The following PLXNA4 variants were observed in gnomAD, a reference collection of about 807,000 sequenced individuals.
The protein encoded by PLXNA4 is plexin-A4.
PLXNA4 carries 44 observed loss-of-function variants against 191.8 expected under a neutral mutation model. That is an observed-to-expected ratio of 0.23 (90% confidence interval 0.18 to 0.29). The LOEUF (loss-of-function observed/expected upper bound fraction) is 0.29, where lower values mean the gene tolerates loss of function less well. PLXNA4 is among the 10% of genes least tolerant of loss of function. The pLI is 1.00. For missense variants in PLXNA4, 1,800 were observed against 2,488.8 expected (o/e 0.72, Z 5.89); for synonymous variants, 1,082 against 1,009.5 (o/e 1.07, Z -1.36).
intron 4 of PLXNA4, among the ~76,000 whole-genome samples, chr7:132,249,146 G>A (rs1290079631): frequency 3.3e-5 from 5 of 152,268 alleles, no homozygotes; most frequent in Non-Finnish European, 7.3e-5. Flanking sequence ...TCTAATCTGT[G>A]TGTCTGGGTG....
intron 2 of PLXNA4, among the ~76,000 whole-genome samples, chr7:132,592,625 G>T (rs1157950081): frequency 1.3e-5 from 2 of 150,770 alleles, no homozygotes; most frequent in African/African-American, 4.9e-5. Context: ...TAAACGAGCT[G>T]CCGATAAAGG....
chr7:132,512,772 G>T (rs555790752), intron 1 of PLXNA4, among the ~76,000 whole-genome samples: 6 of 152,258 alleles, frequency 3.9e-5, no homozygotes, highest in South Asian at 2.1e-4. Context: ...TTCCAGGGGG[G>T]TTTCCCTTCC....
intron 20 of PLXNA4, among the ~76,000 whole-genome samples, chr7:132,177,944 G>A (rs1796531484): frequency 6.6e-6 from 1 of 152,168 alleles, no homozygotes; most frequent in African/African-American, 2.4e-5. Context: ...AGAGCCCCAG[G>A]TATGGGGCCG....
intron 3 of PLXNA4, among the ~76,000 whole-genome samples, chr7:132,458,553 A>G (rs1440898469): frequency 6.6e-6 from 1 of 151,648 alleles, no homozygotes; most frequent in Non-Finnish European, 1.5e-5. Context: ...AGAGCAAAAG[A>G]AAGGAGACAC....
intron 24 of PLXNA4, among the ~76,000 whole-genome samples, chr7:132,161,619 G>A (rs1250990799): frequency 3.3e-5 from 5 of 152,154 alleles, no homozygotes; most frequent in African/African-American, 7.2e-5. Flanking sequence ...CAGGTTCCCC[G>A]GTGGGCATCT....
At chr7:132,546,904 T>G (rs963288896) in intron 1 of PLXNA4, among the ~76,000 whole-genome samples, 14 of 152,302 alleles carry the variant, frequency 9.2e-5, no homozygotes, top group East Asian at 5.8e-4. Context: ...ACCCATGAGA[T>G]TCACAAAATG....
intron 3 of PLXNA4, among the ~76,000 whole-genome samples, chr7:132,421,578 G>GTTT (rs370481755): frequency 0.1 from 15,172 of 146,572 alleles, 2,047 homozygotes; most frequent in African/African-American, 0.31. Flanking sequence ...TATTGCTAAA[G>GTTT]TTTTTTTTTT....
rs753182108 is a variant in PLXNA4 at position 132,130,347 on chromosome 7, A to G, written c.*132T>C. 36 of 1,254,610 alleles carry G rather than the reference A, an allele frequency of 2.9e-5. No individual in the cohort carries two copies. Among genetic ancestry groups the G allele is most frequent in the South Asian group, 6.9e-5 (5 of 72,758 alleles). The allele number at this position is 1,254,610 out of a possible 1,614,324, so 77.7% of individuals were successfully genotyped here. A position where few individuals can be genotyped will look rare whatever the true frequency, so the allele number is the denominator to read the frequency against. On this transcript the variant is annotated 3_prime_UTR_variant, in exon 32 of 32. Coordinates refer to ENST00000321063, the MANE Select transcript of PLXNA4 (RefSeq NM_020911.2). ...GGAGAAACGGAAAGAGGCAGAGAGA[A>G]AGAGAGAGAAACAGCGCTGCTCAGG...
chr7:132,259,294 G>T (rs1282734935), intron 4 of PLXNA4, among the ~76,000 whole-genome samples: 1 of 151,620 alleles, frequency 6.6e-6, no homozygotes, highest in Non-Finnish European at 1.5e-5. Context: ...CATCTAGCTG[G>T]GTGTGGTGGC....
At chr7:132,640,429 G>A (rs1228588671) in intron 2 of PLXNA4, among the ~76,000 whole-genome samples, 11 of 152,134 alleles carry the variant, frequency 7.2e-5, no homozygotes, top group Admixed American at 6.5e-4. Flanking sequence ...TAGGGCCTTT[G>A]GGGAGGTAAT....
rs2117528860 is a variant in PLXNA4, at chr7:132,489,336, G to C, written c.1327C>G (p.His443Asp). Residue 443 changes from histidine (H) to aspartate (D), a missense_variant, in exon 3 of 32, where the codon CAC becomes GAC. Physicochemically the swap from His to Asp is moderately conservative, Grantham distance 81. Transcript: ENST00000321063. ...TSVIAYVYKNHSLAFVGTKSG... is the reference protein window; with the variant it reads ...TSVIAYVYKNDSLAFVGTKSG... Reference sequence around the variant, plus strand: ...TTGGTGCCCACAAAGGCCAGAGAGTGGTTCTTGTAGACATATGCGATGACA... The same window carrying C: ...TTGGTGCCCACAAAGGCCAGAGAGTCGTTCTTGTAGACATATGCGATGACA... The C allele has an allele frequency of 6.3e-7, 1 of 1,597,616 alleles. No homozygotes were observed. The highest frequency in any genetic ancestry group is 1.3e-5 in the African/African-American group (1 of 74,800).
rs1412635794 is a variant in PLXNA4 at position 132,576,463 on chromosome 7, T to C, written c.-128A>G. The C allele has an allele frequency of 1.2e-5, 12 of 985,432 alleles. No individual in the cohort carries two copies. The highest frequency in any genetic ancestry group is 1.4e-5 in the Non-Finnish European group (12 of 829,834). 61.0% of individuals were successfully genotyped at this position (985,432 alleles called of 1,614,324 possible). On this transcript the variant is annotated 5_prime_UTR_variant, in exon 1 of 32. It removes an upstream start codon present in the reference 5' UTR. Coordinates refer to ENST00000321063, the MANE Select transcript of PLXNA4 (RefSeq NM_020911.2). The surrounding 1 kb of genome is among the most constrained non-coding windows in gnomAD (Gnocchi z 5.8). ...TCCCTCCTTCAGCGGGAGCGCCGCA[T>C]TGACACTGCAGATGGAGCCTATGCC...
Position 132,124,181 on chromosome 7 carries a change from T to C in PLXNA4, c.*6298A>G, listed in dbSNP as rs1459703316. ...GAGTGGTGAGGGGAGGGCTGTCCAT[T>C]CTAAAACACAAAATCGTTGGTTTCC... On this transcript the variant is annotated 3_prime_UTR_variant, in exon 32 of 32. Coordinates refer to ENST00000321063, the MANE Select transcript of PLXNA4 (RefSeq NM_020911.2). The C allele has an allele frequency of 1.3e-5, 2 of 152,184 alleles. No individual in the cohort carries two copies. The highest frequency in any genetic ancestry group is 4.8e-5 in the African/African-American group (2 of 41,438). 9.4% of individuals were successfully genotyped at this position (152,184 alleles called of 1,614,324 possible).
intron 6 of PLXNA4, 75 bp downstream of exon 6, chr7:132,228,271 G>A (rs1202723069): frequency 6.3e-7 from 1 of 1,594,012 alleles, no homozygotes; most frequent in Non-Finnish European, 8.6e-7. Flanking sequence ...AGGGGCCTTG[G>A]GCTAAGGCAC....
chr7:132,393,273 A>T (rs1000976003), intron 3 of PLXNA4, among the ~76,000 whole-genome samples: 2 of 142,468 alleles, frequency 1.4e-5, no homozygotes, highest in Non-Finnish European at 3.0e-5. Flanking sequence ...GCTCCTACAG[A>T]GGGTGATAAA....
At chr7:132,416,707 T>A (rs902707143) in intron 3 of PLXNA4, among the ~76,000 whole-genome samples, 21 of 152,198 alleles carry the variant, frequency 1.4e-4, no homozygotes, top group African/African-American at 5.1e-4. Context: ...ATAGCAGCAA[T>A]TGAAAAGATA....
chr7:132,319,770 C>T (rs528615297), intron 3 of PLXNA4, among the ~76,000 whole-genome samples: 1 of 152,366 alleles, frequency 6.6e-6, no homozygotes, highest in South Asian at 2.1e-4. Flanking sequence ...GTGTAAGTTC[C>T]TGAAATGCAC....
At chr7:132,228,493 T>C in intron 5 of PLXNA4, 24 bp from the exon 6 acceptor site, 1 of 1,612,994 alleles carries the variant, frequency 6.2e-7, no homozygotes, top group Non-Finnish European at 8.5e-7. Context: ...ACCCTCGAGT[T>C]ACTCAGGAGA....
At chr7:132,447,849 C>A (rs1455775823) in intron 3 of PLXNA4, among the ~76,000 whole-genome samples, 1 of 151,654 alleles carries the variant, frequency 6.6e-6, no homozygotes, top group African/African-American at 2.4e-5. Flanking sequence ...GATTAAAACA[C>A]TTTTTAAAAA....
Sources: allele counts gnomAD v4.1 joint callset (sites outside exome capture counted in the v4.1 genomes callset), GRCh38; gene constraint gnomAD v4.1.1; non-coding constraint Gnocchi (gnomAD v3.1); transcripts MANE v1.5; gene names NCBI Gene and HGNC (gene_info 2026-07-23, HGNC 2026-07-21).